Variants in MARCHF1 observed in about 807,000 individuals in gnomAD.
MARCHF1 encodes E3 ubiquitin-protein ligase MARCHF1.
In MARCHF1, 40 loss-of-function variants were observed where a neutral mutation model predicts 54.2. That is an observed-to-expected ratio of 0.74 (90% CI 0.57 to 0.96). MARCHF1 has a LOEUF of 0.96. MARCHF1 is among the 40% of genes least tolerant of loss of function. The probability of loss-of-function intolerance (pLI) is 0.00; values close to 1 mark genes in which losing one functional copy is unlikely to be tolerated. For synonymous variants in MARCHF1, 236 were observed against 236.3 expected (o/e 1.00, Z 0.01); for missense variants, 586 against 656.5 (o/e 0.89, Z 1.17).
chr4:163,920,567 T>C (rs1751407299), intron 3 of MARCHF1, among the ~76,000 whole-genome samples: 1 of 152,122 alleles, frequency 6.6e-6, no homozygotes, highest in Non-Finnish European at 1.5e-5. Context: ...CTGCTGACCC[T>C]ATGCTACTAT....
chr4:164,289,590 A>AG (rs1315931890), intron 1 of MARCHF1, among the ~76,000 whole-genome samples: 1 of 150,388 alleles, frequency 6.6e-6, no homozygotes, highest in Admixed American at 6.6e-5. Flanking sequence ...AGATGGAAAA[A>AG]AAAAAAAAAA....
intron 9 of MARCHF1, among the ~76,000 whole-genome samples, chr4:163,533,781 A>T (rs1188474840): frequency 6.6e-6 from 1 of 151,146 alleles, no homozygotes; most frequent in African/African-American, 2.4e-5. Flanking sequence ...TTCTTCGAGT[A>T]AGAGATGGGT....
intron 8 of MARCHF1, among the ~76,000 whole-genome samples, chr4:163,572,319 C>CT (rs11363041): frequency 0.5 from 71,935 of 143,934 alleles, 17,989 homozygotes; most frequent in East Asian, 0.73. Context: ...CTCTTTCTTC[C>CT]TTTTTTTTTT....
chr4:163,658,068 C>T (rs554648980), intron 5 of MARCHF1, among the ~76,000 whole-genome samples: 1 of 151,880 alleles, frequency 6.6e-6, no homozygotes, highest in Non-Finnish European at 1.5e-5. Flanking sequence ...TCTAATTAAA[C>T]CAAATAGCTT....
At chr4:164,121,598 G>T (rs967535304) in intron 1 of MARCHF1, among the ~76,000 whole-genome samples, 1 of 152,068 alleles carries the variant, frequency 6.6e-6, no homozygotes, top group African/African-American at 2.4e-5. Context: ...TCCCTCCCAT[G>T]ACATGTGAGG....
chr4:164,305,373 A>G (rs1009489317), intron 1 of MARCHF1, among the ~76,000 whole-genome samples: 8 of 152,144 alleles, frequency 5.3e-5, no homozygotes, highest in Admixed American at 6.5e-5. Context: ...CTAACTTCTA[A>G]AGAAGTAGGA....
intron 8 of MARCHF1, among the ~76,000 whole-genome samples, chr4:163,569,090 T>C (rs2110744099): frequency 6.6e-6 from 1 of 152,166 alleles, no homozygotes; most frequent in East Asian, 1.9e-4. Context: ...TTGAACCAAA[T>C]AGTTATCACT....
chr4:164,216,160 C>A (rs111650163), intron 1 of MARCHF1, among the ~76,000 whole-genome samples: 2 of 152,166 alleles, frequency 1.3e-5, no homozygotes, highest in Non-Finnish European at 2.9e-5. Context: ...TATAATGATA[C>A]CAACATTTGA....
At chr4:163,721,095 C>G (rs913692283) in intron 4 of MARCHF1, among the ~76,000 whole-genome samples, 4 of 152,166 alleles carry the variant, frequency 2.6e-5, no homozygotes, top group Non-Finnish European at 5.9e-5. Flanking sequence ...GAGGGCATCC[C>G]TGTATTGTGC....
chr4:164,047,419 A>C (rs1418694336), intron 2 of MARCHF1, among the ~76,000 whole-genome samples: 1 of 152,168 alleles, frequency 6.6e-6, no homozygotes, highest in Admixed American at 6.5e-5. Flanking sequence ...GGAGCAGAGA[A>C]ACCAGCCAAA....
chr4:163,786,856 T>A (rs977356051), intron 4 of MARCHF1, among the ~76,000 whole-genome samples: 2 of 151,938 alleles, frequency 1.3e-5, no homozygotes, highest in African/African-American at 2.4e-5. Flanking sequence ...TCACCAGGAA[T>A]CCATACAATG....
chr4:163,613,636 G>T, intron 5 of MARCHF1: 1 of 1,416,294 alleles, frequency 7.1e-7, no homozygotes, highest in Non-Finnish European at 9.2e-7. Context: ...GAGAGAGGAA[G>T]ATGATTCCAC....
chr4:163,929,941 T>TTATATTATATA (rs1348947437), intron 3 of MARCHF1, among the ~76,000 whole-genome samples: 15 of 14,246 alleles, frequency 1.1e-3, no homozygotes, highest in South Asian at 0.011. Flanking sequence ...TATTATATAT[T>TTATATTATATA]TATATTATAT....
rs543518356 is a variant in MARCHF1, at chr4:163,695,197, A to C, written c.162+5616T>G. 2.6e-5 allele frequency among the ~76,000 whole-genome samples: 4 copies of C among 152,302 alleles called. No individual in the cohort carries two copies. In the East Asian group the frequency reaches 7.7e-4, roughly 29 times the overall value. On this transcript the variant is annotated intron_variant, in intron 5 of 9. Coordinates refer to ENST00000514618, the MANE Select transcript of MARCHF1 (RefSeq NM_001394959.1). ...AAAGAATTCTCAGTACATTTTATAC[A>C]TAAGAAACACTTTCACCTTGACCTT... is the stretch of plus-strand genomic sequence containing the variant.
At chr4:163,827,254 T>C (rs1015767296) in intron 4 of MARCHF1, among the ~76,000 whole-genome samples, 1 of 152,078 alleles carries the variant, frequency 6.6e-6, no homozygotes, top group Non-Finnish European at 1.5e-5. Context: ...CTTTCAATCA[T>C]CAGATATTTG....
intron 3 of MARCHF1, among the ~76,000 whole-genome samples, chr4:163,963,039 C>A (rs1415767521): frequency 4.0e-5 from 6 of 151,834 alleles, no homozygotes; most frequent in Admixed American, 3.3e-4. Flanking sequence ...CCTTGTATTG[C>A]AAAACATCTG....
At chr4:164,254,311 G>GTGTA (rs1553995953) in intron 1 of MARCHF1, among the ~76,000 whole-genome samples, 5 of 144,028 alleles carry the variant, frequency 3.5e-5, no homozygotes, top group African/African-American at 1.4e-4. Context: ...AGAACTAATA[G>GTGTA]TATACATATA....
At chr4:164,305,490 A>G (rs966391804) in intron 1 of MARCHF1, among the ~76,000 whole-genome samples, 2 of 152,154 alleles carry the variant, frequency 1.3e-5, no homozygotes, top group Non-Finnish European at 2.9e-5. Flanking sequence ...GTCCTAATTA[A>G]CAGCATGACC....
intron 3 of MARCHF1, among the ~76,000 whole-genome samples, chr4:163,900,749 G>C (rs928149527): frequency 6.6e-6 from 1 of 152,018 alleles, no homozygotes; most frequent in Non-Finnish European, 1.5e-5. Flanking sequence ...GCATATATTA[G>C]GAATCTTTCT....
Sources: gnomAD v4.1 joint callset for allele counts (sites outside exome capture counted in the v4.1 genomes callset) on GRCh38, gnomAD v4.1.1 for gene constraint, MANE v1.5 for transcripts, NCBI Gene and HGNC (gene_info 2026-07-23, HGNC 2026-07-21) for gene names.